ABLIM1: variants seen among roughly 807,000 people sequenced by gnomAD.
ABLIM1 encodes actin-binding LIM protein 1.
A neutral mutation model predicts 107.0 loss-of-function variants in ABLIM1; 40 were observed. That is an observed-to-expected ratio of 0.37 (90% CI 0.29 to 0.49). The LOEUF (loss-of-function observed/expected upper bound fraction) is 0.49. ABLIM1 is among the 20% of genes least tolerant of loss of function. The pLI is 0.97. For missense variants in ABLIM1, 857 were observed against 1,008.5 expected (o/e 0.85, Z 2.04); for synonymous variants, 357 against 357.3 (o/e 1.00, Z 0.01).
chr10:114,459,880 G>T (rs973778265), intron 12 of ABLIM1, among the ~76,000 whole-genome samples: 1 of 152,098 alleles, frequency 6.6e-6, no homozygotes, highest in African/African-American at 2.4e-5. Context: ...TTCAAATGCA[G>T]ACTGAAAACA....
At chr10:114,761,101 T>A (rs2082735395) in intron 1 of ABLIM1, among the ~76,000 whole-genome samples, 1 of 151,950 alleles carries the variant, frequency 6.6e-6, no homozygotes, top group African/African-American at 2.4e-5. Flanking sequence ...CTTTACAACA[T>A]CACCATGAAA....
intron 22 of ABLIM1, among the ~76,000 whole-genome samples, chr10:114,437,383 A>G (rs2059573994): frequency 7.2e-6 from 1 of 139,634 alleles, no homozygotes; most frequent in African/African-American, 2.7e-5. Flanking sequence ...CAGTGGTGTG[A>G]TCTTGGCTCA....
chr10:114,762,754 G>C (rs2082777694), intron 1 of ABLIM1, among the ~76,000 whole-genome samples: 1 of 151,156 alleles, frequency 6.6e-6, no homozygotes, highest in African/African-American at 2.5e-5. Context: ...ACAAAACTAG[G>C]GTCATTTATG....
chr10:114,495,487 A>C (rs2059549458), intron 6 of ABLIM1, among the ~76,000 whole-genome samples: 1 of 151,930 alleles, frequency 6.6e-6, no homozygotes, highest in Non-Finnish European at 1.5e-5. Flanking sequence ...GGTGATGGTG[A>C]TAATGATAGT....
At chr10:114,443,943 C>T in intron 17 of ABLIM1, 86 bp downstream of exon 17, 1 of 1,074,942 alleles carries the variant, frequency 9.3e-7, no homozygotes, top group Admixed American at 2.3e-5. Flanking sequence ...TCTGTAGGTT[C>T]CACCACAAGT....
At chr10:114,600,463 T>C (rs886291646) in intron 2 of ABLIM1, among the ~76,000 whole-genome samples, 1 of 152,216 alleles carries the variant, frequency 6.6e-6, no homozygotes, top group Non-Finnish European at 1.5e-5. Flanking sequence ...CTGAAAACTT[T>C]ACTCTCAGTG....
intron 7 of ABLIM1, among the ~76,000 whole-genome samples, chr10:114,489,051 C>G (rs2058579828): frequency 6.6e-6 from 1 of 151,752 alleles, no homozygotes; most frequent in South Asian, 2.1e-4. Flanking sequence ...GAGTCTTGCT[C>G]TGTCTCCCAG....
intron 2 of ABLIM1, among the ~76,000 whole-genome samples, chr10:114,592,407 A>G (rs1208766529): frequency 6.6e-6 from 1 of 152,200 alleles, no homozygotes; most frequent in Non-Finnish European, 1.5e-5. Flanking sequence ...TGAAACAGGA[A>G]GAAAATGGTG....
At chr10:114,530,382 G>C (rs963079882) in intron 6 of ABLIM1, among the ~76,000 whole-genome samples, 1 of 151,984 alleles carries the variant, frequency 6.6e-6, no homozygotes, top group African/African-American at 2.4e-5. Context: ...AAATGTGCTG[G>C]GTAGTATACA....
intron 1 of ABLIM1, among the ~76,000 whole-genome samples, chr10:114,612,934 C>A (rs7907602): frequency 6.6e-6 from 1 of 152,168 alleles, no homozygotes. Context: ...ATTCCAGACA[C>A]CTCAGAGGAA....
At chr10:114,640,555 C>CAAA in intron 1 of ABLIM1, among the ~76,000 whole-genome samples, 1 of 151,720 alleles carries the variant, frequency 6.6e-6, no homozygotes, top group African/African-American at 2.4e-5. Flanking sequence ...ACAACAACAA[C>CAAA]AACAACAACA....
chr10:114,579,545 C>T (rs926698769), intron 2 of ABLIM1, among the ~76,000 whole-genome samples: 1 of 152,056 alleles, frequency 6.6e-6, no homozygotes, highest in African/African-American at 2.4e-5. Flanking sequence ...CTTCATATAC[C>T]CACTTGTCAG....
chr10:114,696,864 T>C (rs1043756234), intron 1 of ABLIM1, among the ~76,000 whole-genome samples: 1 of 152,208 alleles, frequency 6.6e-6, no homozygotes, highest in Non-Finnish European at 1.5e-5. Context: ...ACATTACCTC[T>C]TTATAGAGCC....
chr10:114,464,526 T>G (rs189630973), intron 12 of ABLIM1, among the ~76,000 whole-genome samples: 41 of 152,194 alleles, frequency 2.7e-4, no homozygotes, highest in African/African-American at 7.2e-4. Flanking sequence ...GACAAAGGCT[T>G]AAATCGGGAC....
intron 1 of ABLIM1, among the ~76,000 whole-genome samples, chr10:114,701,144 T>C (rs2081300065): frequency 6.6e-6 from 1 of 152,124 alleles, no homozygotes; most frequent in African/African-American, 2.4e-5. Flanking sequence ...GAATAGATAC[T>C]TCACAAGGTT....
chr10:114,437,738 T>C, intron 22 of ABLIM1, 106 bp downstream of exon 22: 1 of 949,502 alleles, frequency 1.1e-6, no homozygotes, highest in Non-Finnish European at 1.6e-6. Context: ...GTGATCTTTA[T>C]AATTTTTTTT....
upstream of ABLIM1, chr10:114,658,431 C>A: frequency 1.7e-5 from 10 of 582,860 alleles, no homozygotes; most frequent in Non-Finnish European, 2.4e-5. Context: ...TCGAGACTTT[C>A]AGTCTCAGAC....
intron 1 of ABLIM1, among the ~76,000 whole-genome samples, chr10:114,634,129 CTT>C (rs745875295): frequency 1.6e-4 from 11 of 68,288 alleles, no homozygotes; most frequent in South Asian, 1.5e-3. Context: ...CTCAATTTTT[CTT>C]TTTTTTTTTT....
intron 1 of ABLIM1, among the ~76,000 whole-genome samples, chr10:114,672,440 A>G (rs1268650231): frequency 6.6e-6 from 1 of 152,166 alleles, no homozygotes; most frequent in Non-Finnish European, 1.5e-5. Flanking sequence ...ACCTCAGGTG[A>G]TCCACCTGCC....
Sources: gnomAD v4.1 joint callset for allele counts (sites outside exome capture counted in the v4.1 genomes callset) on GRCh38, gnomAD v4.1.1 for gene constraint, MANE v1.5 for transcripts, NCBI Gene and HGNC (gene_info 2026-07-23, HGNC 2026-07-21) for gene names.